MCTP2: variants seen among roughly 807,000 people sequenced by gnomAD.
MCTP2 encodes multiple C2 and transmembrane domain-containing protein 2.
A neutral mutation model predicts 111.6 loss-of-function variants in MCTP2; 132 were observed. That is an observed-to-expected ratio of 1.18 (90% confidence interval 1.03 to 1.37). The LOEUF (loss-of-function observed/expected upper bound fraction) is 1.37, where lower values mean the gene tolerates loss of function less well. Among genes scored for constraint, MCTP2 ranks in the 40% most tolerant of loss-of-function variants. The pLI, the probability that MCTP2 is intolerant of heterozygous loss-of-function variation, is 0.00. For missense variants in MCTP2, 1,183 were observed against 1,067.9 expected, an observed-to-expected ratio of 1.11 and a Z score of -1.50; for synonymous variants, 395 against 387.7, an observed-to-expected ratio of 1.02 and a Z score of -0.22.
intron 17 of MCTP2, among the ~76,000 whole-genome samples, chr15:94,438,253 G>T (rs917950276): frequency 6.6e-6 from 1 of 152,000 alleles, no homozygotes; most frequent in African/African-American, 2.4e-5. Flanking sequence ...ACCGTGAAAA[G>T]AACTATAAAA....
intron 1 of MCTP2, among the ~76,000 whole-genome samples, chr15:94,245,630 A>G (rs1481234203): frequency 4.8e-5 from 7 of 145,818 alleles, no homozygotes; most frequent in Non-Finnish European, 1.0e-4. Context: ...GTATATATAC[A>G]TATACTTATA....
intron 20 of MCTP2, among the ~76,000 whole-genome samples, chr15:94,464,742 T>G (rs947881734): frequency 8.6e-5 from 13 of 152,014 alleles, no homozygotes; most frequent in Non-Finnish European, 1.8e-4. Flanking sequence ...TTAAAGCTAT[T>G]TTCTGGTTTC....
At chr15:94,368,925 A>C (rs967279532) in intron 11 of MCTP2, among the ~76,000 whole-genome samples, 7 of 152,234 alleles carry the variant, frequency 4.6e-5, no homozygotes, top group Admixed American at 1.3e-4. Flanking sequence ...GCTATGGTCA[A>C]AGTAGAAATA....
intron 1 of MCTP2, among the ~76,000 whole-genome samples, chr15:94,244,875 T>A (rs1228628794): frequency 6.8e-6 from 1 of 147,878 alleles, no homozygotes; most frequent in African/African-American, 2.5e-5. Context: ...TGCACCTATG[T>A]TTATATACGT....
chr15:94,419,065 A>G (rs1351687110), intron 17 of MCTP2, among the ~76,000 whole-genome samples: 1 of 152,166 alleles, frequency 6.6e-6, no homozygotes, highest in Non-Finnish European at 1.5e-5. Context: ...TTTGAAAATG[A>G]TATGCATTGT....
chr15:94,386,426 T>G (rs2080478722), intron 14 of MCTP2, among the ~76,000 whole-genome samples: 1 of 152,218 alleles, frequency 6.6e-6, no homozygotes, highest in Middle Eastern at 3.2e-3. Flanking sequence ...CACTTGATGT[T>G]TACAGAGGGA....
chr15:94,457,633 G>A (rs924281628), intron 19 of MCTP2, among the ~76,000 whole-genome samples: 4 of 152,106 alleles, frequency 2.6e-5, no homozygotes, highest in Non-Finnish European at 5.9e-5. Flanking sequence ...AAATGTCATC[G>A]GGCTGGCAAT....
At position 94,356,178 on chromosome 15, in the gene MCTP2, A is replaced by G. The variant is rs764274833; in HGVS notation, c.1047A>G (p.Lys349=). ...ACCTACGGCTCTCTGAGTCCTTGAAAAAGAACCAACTCTGGAACGGGATTA... is the reference window on the plus strand; with the variant it reads ...ACCTACGGCTCTCTGAGTCCTTGAAGAAGAACCAACTCTGGAACGGGATTA... ...IRNLRLSESL[K]KNQLWNGIIS... Residue 349 remains lysine (K), a synonymous_variant, in exon 9 of 23, where the codon AAA becomes AAG. Transcript: ENST00000357742. 2.6e-5 allele frequency: 42 copies of G among 1,612,546 alleles called. No homozygotes were observed. Among genetic ancestry groups the G allele is most frequent in the Non-Finnish European group, 3.4e-5 (40 of 1,179,324 alleles).
chr15:94,273,070 A>G (rs2073995870), intron 1 of MCTP2, among the ~76,000 whole-genome samples: 1 of 151,776 alleles, frequency 6.6e-6, no homozygotes, highest in South Asian at 2.1e-4. Flanking sequence ...TTACCCTAGA[A>G]CTCTCTAGTA....
chr15:94,363,819 A>G (rs567312287), intron 10 of MCTP2, among the ~76,000 whole-genome samples: 5 of 152,284 alleles, frequency 3.3e-5, no homozygotes, highest in African/African-American at 1.2e-4. Flanking sequence ...ACGACTGTCC[A>G]AAGACATTTA....
chr15:94,246,274 G>T (rs562999242), intron 1 of MCTP2, among the ~76,000 whole-genome samples: 8 of 152,320 alleles, frequency 5.3e-5, no homozygotes, highest in African/African-American at 1.9e-4. Context: ...CAATGGTCCT[G>T]AATCTCAGCT....
At chr15:94,457,706 A>T (rs2084923163) in intron 19 of MCTP2, among the ~76,000 whole-genome samples, 1 of 152,246 alleles carries the variant, frequency 6.6e-6, no homozygotes, top group Non-Finnish European at 1.5e-5. Flanking sequence ...ACTAGGAATC[A>T]TACTACCTCT....
chr15:94,257,804 C>CT lies in MCTP2; in HGVS notation c.-66+26142dup, dbSNP rs2072917705. 2.6e-5 allele frequency among the ~76,000 whole-genome samples: 4 copies of CT among 151,572 alleles called. No individual in the cohort carries two copies. In the South Asian group the frequency reaches 8.4e-4, roughly 32 times the overall value. ...GTTTTACCATGTTGGCCAGGCTGGTCTTGAACTCTTAACCTTGTGATCTGC... is the reference window on the plus strand; with the variant it reads ...GTTTTACCATGTTGGCCAGGCTGGTCTTTGAACTCTTAACCTTGTGATCTGC... On this transcript the variant is annotated intron_variant, in intron 1 of 22. Coordinates refer to ENST00000357742, the MANE Select transcript of MCTP2 (RefSeq NM_001385001.1).
chr15:94,250,272 CACTT>C (rs1415851099), intron 1 of MCTP2, among the ~76,000 whole-genome samples: 1 of 152,044 alleles, frequency 6.6e-6, no homozygotes, highest in Non-Finnish European at 1.5e-5. Context: ...AAAAATATAT[CACTT>C]AATATGCATT....
At chr15:94,360,635 T>G (rs1208239370) in intron 10 of MCTP2, among the ~76,000 whole-genome samples, 12 of 152,226 alleles carry the variant, frequency 7.9e-5, no homozygotes, top group Admixed American at 7.9e-4. Context: ...TCACAAGTCA[T>G]TGTGCTGTCA....
intron 14 of MCTP2, among the ~76,000 whole-genome samples, chr15:94,386,465 T>C (rs1289247039): frequency 2.6e-5 from 4 of 152,204 alleles, no homozygotes; most frequent in Non-Finnish European, 5.9e-5. Flanking sequence ...CTATCTTTTC[T>C]TCTGTGTTTG....
At chr15:94,301,221 C>T (rs540807090) in intron 2 of MCTP2, among the ~76,000 whole-genome samples, 28 of 152,224 alleles carry the variant, frequency 1.8e-4, no homozygotes, top group South Asian at 1.2e-3. Flanking sequence ...ACTTGAGTGC[C>T]GTTGCTTTGC....
At chr15:94,331,979 G>A (rs1398432220) in intron 4 of MCTP2, among the ~76,000 whole-genome samples, 1 of 152,152 alleles carries the variant, frequency 6.6e-6, no homozygotes, top group African/African-American at 2.4e-5. Context: ...AAAGAAAGAT[G>A]GGCCATGATA....
intron 12 of MCTP2, among the ~76,000 whole-genome samples, chr15:94,378,302 G>T (rs1236526675): frequency 2.0e-5 from 3 of 151,924 alleles, no homozygotes; most frequent in African/African-American, 4.8e-5. Flanking sequence ...AGGGAGGATT[G>T]CTTGAGCCCA....
Sources: allele counts gnomAD v4.1 joint callset (sites outside exome capture counted in the v4.1 genomes callset), GRCh38; gene constraint gnomAD v4.1.1; transcripts MANE v1.5; gene names NCBI Gene and HGNC (gene_info 2026-07-23, HGNC 2026-07-21).